Variants in SPATS2 observed in about 807,000 individuals in gnomAD.
SPATS2 encodes spermatogenesis associated serine rich 2.
A neutral mutation model predicts 63.7 loss-of-function variants in SPATS2; 38 were observed. That is an observed-to-expected ratio of 0.60 (90% CI 0.46 to 0.78). The LOEUF is 0.78. SPATS2 is among the 30% of genes least tolerant of loss of function. The probability of loss-of-function intolerance (pLI) is 0.00; values close to 1 mark genes in which losing one functional copy is unlikely to be tolerated. For missense variants in SPATS2, 588 were observed against 666.2 expected, an observed-to-expected ratio of 0.88 and a Z score of 1.29; for synonymous variants, 207 against 232.9, an observed-to-expected ratio of 0.89 and a Z score of 1.01.
chr12:49,405,057 G>C (rs911794572), intron 2 of SPATS2, among the ~76,000 whole-genome samples: 2 of 150,964 alleles, frequency 1.3e-5, no homozygotes, highest in Admixed American at 6.6e-5. Flanking sequence ...AATACAGACT[G>C]TATGGCTTGC....
At chr12:49,471,832 GACTAC>G (rs1446275264) in intron 3 of SPATS2, among the ~76,000 whole-genome samples, 2 of 152,096 alleles carry the variant, frequency 1.3e-5, no homozygotes, top group Admixed American at 1.3e-4. Flanking sequence ...TTGTGAATTT[GACTAC>G]TCTAGGTAAC....
Position 49,406,174 on chromosome 12 carries a change from G to A in SPATS2, c.-244+34884G>A, listed in dbSNP as rs539850908. Among the ~76,000 whole-genome samples, 3 of 152,228 alleles carry A rather than the reference G, an allele frequency of 2.0e-5. No homozygotes were observed. In the South Asian group the frequency reaches 6.2e-4, roughly 32 times the overall value. ...AGCTACTTGGGAGGCTGAGGCAGGA[G>A]GATAGCTTGAATTCGGGAGGATACT... is the stretch of plus-strand genomic sequence containing the variant. On this transcript the variant is annotated intron_variant, in intron 2 of 13. Coordinates refer to ENST00000552918, the MANE Select transcript of SPATS2 (RefSeq NM_023071.4).
At chr12:49,398,890 G>A (rs1409727575) in intron 2 of SPATS2, among the ~76,000 whole-genome samples, 2 of 152,136 alleles carry the variant, frequency 1.3e-5, no homozygotes, top group African/African-American at 4.8e-5. Context: ...GTTTGAAAAG[G>A]TCTATTTCTG....
At chr12:49,377,965 GTTTTA>G (rs1020397170) in intron 2 of SPATS2, among the ~76,000 whole-genome samples, 1 of 152,024 alleles carries the variant, frequency 6.6e-6, no homozygotes, top group African/African-American at 2.4e-5. Context: ...GTTGCATTTT[GTTTTA>G]TTTTATTTAT....
rs957601573 is a variant in SPATS2, at chr12:49,367,547, C to T, written c.-347C>T. 5.1e-6 allele frequency: 2 copies of T among 395,942 alleles called. No individual in the cohort carries two copies. Among genetic ancestry groups the T allele is most frequent in the East Asian group, 3.6e-5 (1 of 27,942 alleles). The allele number at this position is 395,942 out of a possible 1,614,324, so 24.5% of individuals were successfully genotyped here. On this transcript the variant is annotated 5_prime_UTR_variant, in exon 1 of 14. Transcript: ENST00000552918. The stretch of plus-strand genomic sequence containing the variant: ...CCGGGAGCGTCCGGGACGCGGAGCC[C>T]GGAGCTGGGGCGACGAGGCGATTGC...
chr12:49,447,465 T>C (rs1945534098), intron 2 of SPATS2, among the ~76,000 whole-genome samples: 1 of 149,744 alleles, frequency 6.7e-6, no homozygotes, highest in Admixed American at 6.7e-5. Flanking sequence ...TCTCAATCTC[T>C]TGACCTCGTG....
intron 2 of SPATS2, among the ~76,000 whole-genome samples, chr12:49,404,818 T>C (rs1944666735): frequency 6.6e-6 from 1 of 152,224 alleles, no homozygotes; most frequent in African/African-American, 2.4e-5. Context: ...AGGTCAGATC[T>C]GGCCTGCTGC....
At chr12:49,490,846 T>G in intron 6 of SPATS2, 115 bp downstream of exon 6, 79 of 1,003,514 alleles carry the variant, frequency 7.9e-5, no homozygotes, top group Non-Finnish European at 1.0e-4. Flanking sequence ...TTTACCTGGT[T>G]AAAAAACATC....
chr12:49,495,183 C>G (rs1276271823), intron 7 of SPATS2, among the ~76,000 whole-genome samples, 181 bp downstream of exon 7: 1 of 151,966 alleles, frequency 6.6e-6, no homozygotes, highest in Non-Finnish European at 1.5e-5. Context: ...TTATCAAAGG[C>G]CTAGAAAAAA....
chr12:49,461,884 T>C (rs191963532), intron 3 of SPATS2, among the ~76,000 whole-genome samples: 5 of 152,332 alleles, frequency 3.3e-5, no homozygotes, highest in East Asian at 1.9e-4. Context: ...TAAGGAATGC[T>C]TAGATTACTA....
chr12:49,426,397 A>G (rs993575637), intron 2 of SPATS2, among the ~76,000 whole-genome samples: 1 of 152,178 alleles, frequency 6.6e-6, no homozygotes, highest in East Asian at 1.9e-4. Flanking sequence ...ATTCTGACTT[A>G]TGTCACAATA....
intron 2 of SPATS2, among the ~76,000 whole-genome samples, chr12:49,399,442 G>T (rs1944567173): frequency 6.6e-6 from 1 of 152,122 alleles, no homozygotes. Flanking sequence ...GTCTATTAGG[G>T]GCCACGCATA....
intron 2 of SPATS2, among the ~76,000 whole-genome samples, chr12:49,396,624 A>G (rs1944516656): frequency 6.6e-6 from 1 of 152,196 alleles, no homozygotes. Flanking sequence ...TAGATCTCAC[A>G]TCTGTGAATG....
chr12:49,485,440 C>T (rs1157357067), intron 4 of SPATS2, among the ~76,000 whole-genome samples: 1 of 151,958 alleles, frequency 6.6e-6, no homozygotes, highest in Admixed American at 6.5e-5. Flanking sequence ...CAGCTCACTG[C>T]AATCTCTGCC....
chr12:49,523,639 G>A (rs1946979975), intron 12 of SPATS2, among the ~76,000 whole-genome samples: 2 of 152,130 alleles, frequency 1.3e-5, no homozygotes, highest in South Asian at 4.1e-4. Flanking sequence ...CAGCCTCTCT[G>A]TTCTTTCTGT....
chr12:49,427,245 G>A (rs946591497), intron 2 of SPATS2, among the ~76,000 whole-genome samples: 1 of 152,118 alleles, frequency 6.6e-6, no homozygotes, highest in Non-Finnish European at 1.5e-5. Context: ...ATATATGTGT[G>A]TCTAAATAAT....
rs1389268666 is a variant in SPATS2 at position 49,402,202 on chromosome 12, A to G, written c.-244+30912A>G. Among the ~76,000 whole-genome samples, 3 of 152,242 alleles carry G rather than the reference A, an allele frequency of 2.0e-5. No individual in the cohort carries two copies. The East Asian group carries it at 5.8e-4, about 29-fold the overall frequency. Reference sequence around the variant, plus strand: ...CCTAAATGTTTTTGTTTTTCTTAACAGGGGTTGTATTTAATCAGGGTTGGT... The same window carrying G: ...CCTAAATGTTTTTGTTTTTCTTAACGGGGGTTGTATTTAATCAGGGTTGGT... On this transcript the variant is annotated intron_variant, in intron 2 of 13. Transcript: ENST00000552918.
intron 2 of SPATS2, chr12:49,442,477 C>G (rs1394588385): frequency 6.5e-6 from 1 of 154,244 alleles, no homozygotes; most frequent in African/African-American, 2.4e-5. Flanking sequence ...TGTCGTTTCT[C>G]CATTTTCTGC....
chr12:49,523,171 C>A (rs141031638), intron 12 of SPATS2, among the ~76,000 whole-genome samples: 11 of 152,218 alleles, frequency 7.2e-5, no homozygotes, highest in African/African-American at 2.6e-4. Context: ...TCATTTTACT[C>A]CTCTCCAGAG....
Sources: allele counts gnomAD v4.1 joint callset (sites outside exome capture counted in the v4.1 genomes callset), GRCh38; gene constraint gnomAD v4.1.1; transcripts MANE v1.5; gene names NCBI Gene and HGNC (gene_info 2026-07-23, HGNC 2026-07-21).